The following AKAP7 variants were observed in gnomAD, a reference collection of about 807,000 sequenced individuals.
AKAP7 encodes the protein A kinase (PRKA) anchor protein 7.
In AKAP7, 39 loss-of-function variants were observed where a neutral mutation model predicts 39.5. The observed-to-expected ratio is 0.99, with a 90% confidence interval of 0.76 to 1.29. AKAP7 has a LOEUF of 1.29. Among genes scored for constraint, AKAP7 ranks in the 50% most tolerant of loss-of-function variants. The pLI is 0.00. For missense variants in AKAP7, 414 were observed against 407.7 expected, an observed-to-expected ratio of 1.02 and a Z score of -0.13; for synonymous variants, 140 against 139.1, an observed-to-expected ratio of 1.01 and a Z score of -0.05.
intron 6 of AKAP7, among the ~76,000 whole-genome samples, chr6:131,211,020 G>C (rs546231323): frequency 6.6e-6 from 1 of 152,124 alleles, no homozygotes; most frequent in Non-Finnish European, 1.5e-5. Flanking sequence ...CAAATCAAAC[G>C]TACTTCTCAA....
chr6:131,155,496 TG>T (rs1802340320), intron 2 of AKAP7, among the ~76,000 whole-genome samples: 1 of 152,232 alleles, frequency 6.6e-6, no homozygotes, highest in South Asian at 2.1e-4. Context: ...GTCATTGGGT[TG>T]ATCTCTTACT....
In AKAP7 at chr6:131,169,255, T is replaced by G; in HGVS notation, c.571T>G (p.Ser191Ala). The change falls in exon 5 of 8, where the codon TCA (serine) becomes GCA (alanine). Residue 191 changes from serine to alanine, a missense_variant. Transcript: ENST00000431975. ...GCTGGCAGAAGGAGATCATGTAAAC[T>G]CACTTTTGGAGATAGCAGGTAAAAC... is the stretch of plus-strand genomic sequence containing the variant. Reference protein sequence around the residue: ...VKLAEGDHVNSLLEIAETANR... With the variant: ...VKLAEGDHVNALLEIAETANR... 1 of 1,613,972 alleles carries G rather than the reference T, an allele frequency of 6.2e-7. No homozygotes were observed. Among genetic ancestry groups the G allele is most frequent in the South Asian group, 1.1e-5 (1 of 91,058 alleles).
At chr6:131,184,885 T>C (rs1250511912) in intron 5 of AKAP7, 1 of 1,211,156 alleles carries the variant, frequency 8.3e-7, no homozygotes, top group Non-Finnish European at 1.2e-6. Flanking sequence ...CTTATCCTGG[T>C]CCTCCAGGTT....
At chr6:131,232,925 T>C (rs1810748098) in intron 7 of AKAP7, among the ~76,000 whole-genome samples, 1 of 149,860 alleles carries the variant, frequency 6.7e-6, no homozygotes, top group South Asian at 2.1e-4. Flanking sequence ...TTTATAATAA[T>C]AATATTTATT....
chr6:131,246,664 C>G (rs1812030176), intron 7 of AKAP7, among the ~76,000 whole-genome samples: 1 of 152,112 alleles, frequency 6.6e-6, no homozygotes. Context: ...GGCAACAGTG[C>G]TAGGCTCCAG....
intron 7 of AKAP7, among the ~76,000 whole-genome samples, chr6:131,249,589 T>C (rs1812283249): frequency 1.3e-5 from 2 of 152,190 alleles, no homozygotes; most frequent in South Asian, 4.1e-4. Flanking sequence ...AATTTTTCTT[T>C]CCTAGAGTGT....
At chr6:131,271,304 C>T (rs555763765) in intron 7 of AKAP7, among the ~76,000 whole-genome samples, 1 of 152,218 alleles carries the variant, frequency 6.6e-6, no homozygotes, top group South Asian at 2.1e-4. Context: ...CCATTCCTTG[C>T]AAAGATTATT....
intron 5 of AKAP7, among the ~76,000 whole-genome samples, chr6:131,185,997 G>T (rs770084957): frequency 1.7e-4 from 26 of 152,254 alleles, no homozygotes; most frequent in Middle Eastern, 3.4e-3. Context: ...TTTGTATATG[G>T]TGTAAGGTGT....
intron 7 of AKAP7, among the ~76,000 whole-genome samples, chr6:131,254,194 T>C (rs892576815): frequency 1.3e-5 from 2 of 152,236 alleles, no homozygotes; most frequent in African/African-American, 2.4e-5. Flanking sequence ...AAGATTAGGC[T>C]CTTTCTCTTG....
intron 3 of AKAP7, among the ~76,000 whole-genome samples, chr6:131,161,062 A>G (rs1802895833): frequency 6.6e-6 from 1 of 152,230 alleles, no homozygotes; most frequent in Non-Finnish European, 1.5e-5. Context: ...GCACATTTCC[A>G]CATTGCCTTT....
chr6:131,241,621 G>GTATATACGTATATA lies in AKAP7; in HGVS notation c.850+21814_850+21815insATATACGTATATAT, dbSNP rs1221493841. Among the ~76,000 whole-genome samples, 33 of 71,580 alleles carry GTATATACGTATATA rather than the reference G, an allele frequency of 4.6e-4. 1 individual carries two copies. The highest frequency in any genetic ancestry group is 1.6e-3 in the African/African-American group (31 of 19,046). The allele number at this position is 71,580 out of a possible 152,430, so 47.0% of individuals were successfully genotyped here. A position where few individuals can be genotyped will look rare whatever the true frequency, so the allele number is the denominator to read the frequency against. Reference sequence around the variant, plus strand: ...TGTGTGTGTGTGTGTGTGTGTGTGTGTGTGTGTATATATATATGACAGTTA... The same window carrying GTATATACGTATATA: ...TGTGTGTGTGTGTGTGTGTGTGTGTGTATATACGTATATATGTGTGTATATATATATGACAGTTA... On this transcript the variant is annotated intron_variant, in intron 7 of 7. Transcript: ENST00000431975.
chr6:131,241,607 G>GTATATATACGTATATATATATA lies in AKAP7; in HGVS notation c.850+21800_850+21801insATATATACGTATATATATATAT, dbSNP rs888353051. Among the ~76,000 whole-genome samples the GTATATATACGTATATATATATA allele has an allele frequency of 1.0e-3, 134 of 129,994 alleles. 4 individuals carry two copies. Among genetic ancestry groups the GTATATATACGTATATATATATA allele is most frequent in the South Asian group, 1.5e-3 (6 of 4,072 alleles). The allele number at this position is 129,994 out of a possible 152,430, so 85.3% of individuals were successfully genotyped here. A position where few individuals can be genotyped will look rare whatever the true frequency, so the allele number is the denominator to read the frequency against. On this transcript the variant is annotated intron_variant, in intron 7 of 7. Transcript: ENST00000431975. ...TGTGTGTGTGTGTGTGTGTGTGTGT[G>GTATATATACGTATATATATATA]TGTGTGTGTGTGTGTGTGTGTATAT...
At chr6:131,246,094 A>AATATATAT (rs57449798) in intron 7 of AKAP7, among the ~76,000 whole-genome samples, 25 of 143,992 alleles carry the variant, frequency 1.7e-4, no homozygotes, top group African/African-American at 5.1e-4. Context: ...CAGAAGTCCA[A>AATATATAT]ATATATATAT....
At chr6:131,197,158 G>A (rs916851203) in intron 5 of AKAP7, among the ~76,000 whole-genome samples, 1 of 151,898 alleles carries the variant, frequency 6.6e-6, no homozygotes, top group African/African-American at 2.4e-5. Context: ...TCATGTCTGT[G>A]TGTGTAATTC....
chr6:131,185,171 C>T (rs1388822387), intron 5 of AKAP7: 2 of 524,036 alleles, frequency 3.8e-6, no homozygotes, highest in East Asian at 4.3e-5. Context: ...GCCCCTCCTT[C>T]TTCAGGGTGG....
chr6:131,256,075 G>T (rs1812821960), intron 7 of AKAP7, among the ~76,000 whole-genome samples: 1 of 152,208 alleles, frequency 6.6e-6, no homozygotes, highest in African/African-American at 2.4e-5. Flanking sequence ...CTCCCGGGGT[G>T]CCATGGGGCT....
chr6:131,280,027 TCTTAA>T (rs1815078552), intron 7 of AKAP7, among the ~76,000 whole-genome samples: 2 of 152,158 alleles, frequency 1.3e-5, no homozygotes, highest in African/African-American at 4.8e-5. Flanking sequence ...AAACAAAAAG[TCTTAA>T]CTTGCCACCC....
chr6:131,282,264 AATG>A lies in AKAP7; in HGVS notation c.*541_*543del, dbSNP rs1200645751. The A allele has an allele frequency of 4.4e-6, 6 of 1,360,538 alleles. No homozygotes were observed. The highest frequency in any genetic ancestry group is 5.6e-6 in the Non-Finnish European group (6 of 1,062,478). 84.3% of individuals were successfully genotyped at this position (1,360,538 alleles called of 1,614,324 possible). A position where few individuals can be genotyped will look rare whatever the true frequency, so the allele number is the denominator to read the frequency against. ...TTTATAGTAAATTATGTTTCATGTAAATGATATATTTTTGGTGAAATGCAACCT... is the reference window on the plus strand; with the variant it reads ...TTTATAGTAAATTATGTTTCATGTAAATATATTTTTGGTGAAATGCAACCT... On this transcript the variant is annotated 3_prime_UTR_variant, in exon 8 of 8. Coordinates refer to ENST00000431975, the MANE Select transcript of AKAP7 (RefSeq NM_016377.4).
At chr6:131,136,900 C>T in intron 1 of AKAP7, 2 of 982,302 alleles carry the variant, frequency 2.0e-6, no homozygotes, top group Non-Finnish European at 2.4e-6. Flanking sequence ...ATGCCCTTAG[C>T]CCTTTCCAGT....
Sources: allele counts gnomAD v4.1 joint callset (sites outside exome capture counted in the v4.1 genomes callset), GRCh38; gene constraint gnomAD v4.1.1; transcripts MANE v1.5; gene names NCBI Gene and HGNC (gene_info 2026-07-23, HGNC 2026-07-21).